DIAPH3: variants seen among roughly 807,000 people sequenced by gnomAD.
DIAPH3 encodes diaphanous related formin 3.
Under a neutral mutation model 144.3 loss-of-function variants are expected in DIAPH3, and 117 were observed. The ratio of observed to expected loss-of-function variants is 0.81; its 90% confidence interval spans 0.70 to 0.95. The LOEUF (loss-of-function observed/expected upper bound fraction) is 0.95. DIAPH3 is among the 40% of genes least tolerant of loss of function. DIAPH3 has a pLI of 0.00. For synonymous variants in DIAPH3, 519 were observed against 488.9 expected (o/e 1.06, Z -0.81); for missense variants, 1,421 against 1,412.7 (o/e 1.01, Z -0.09).
chr13:59,972,519 G>A (rs570982368), intron 15 of DIAPH3, among the ~76,000 whole-genome samples: 8 of 151,914 alleles, frequency 5.3e-5, no homozygotes, highest in Non-Finnish European at 1.2e-4. Context: ...ATAAAAGCTC[G>A]AAATCAATGA....
intron 5 of DIAPH3, among the ~76,000 whole-genome samples, chr13:60,031,732 C>CTCT (rs2054810122): frequency 1.5e-5 from 1 of 64,668 alleles, no homozygotes; most frequent in African/African-American, 6.6e-5. Context: ...GTCATTAAAT[C>CTCT]TTTTTTTTTT....
At chr13:59,836,712 C>A (rs543365362) in intron 23 of DIAPH3, among the ~76,000 whole-genome samples, 57 of 151,866 alleles carry the variant, frequency 3.8e-4, no homozygotes, top group African/African-American at 1.3e-3. Flanking sequence ...TATTTAAGTA[C>A]GTACTTGTAA....
chr13:59,729,810 A>ATTTTTTTT (rs59987412), intron 27 of DIAPH3, among the ~76,000 whole-genome samples: 1,454 of 133,838 alleles, frequency 0.011, 28 homozygotes, highest in East Asian at 0.066. Context: ...ATACATTAAT[A>ATTTTTTTT]TTTTTTTTTT....
At chr13:59,983,473 G>A (rs192782024) in intron 13 of DIAPH3, among the ~76,000 whole-genome samples, 11 of 151,562 alleles carry the variant, frequency 7.3e-5, no homozygotes, top group Admixed American at 7.2e-4. Context: ...GTAAAAAATG[G>A]CAGTTTTTGT....
At chr13:59,707,510 A>C (rs1031938017) in intron 27 of DIAPH3, among the ~76,000 whole-genome samples, 2 of 152,198 alleles carry the variant, frequency 1.3e-5, no homozygotes, top group Non-Finnish European at 2.9e-5. Flanking sequence ...AGGGAATTGG[A>C]ATCAAAGGGA....
At chr13:60,060,356 C>T (rs1203965949) in intron 4 of DIAPH3, among the ~76,000 whole-genome samples, 1 of 152,068 alleles carries the variant, frequency 6.6e-6, no homozygotes, top group African/African-American at 2.4e-5. Context: ...ATAAAATGCT[C>T]ACAGTGGTTA....
intron 27 of DIAPH3, among the ~76,000 whole-genome samples, chr13:59,756,055 T>C (rs957207887): frequency 6.6e-6 from 1 of 152,116 alleles, no homozygotes; most frequent in Non-Finnish European, 1.5e-5. Flanking sequence ...CTTGTATGAG[T>C]AGCACTTGGG....
chr13:59,958,314 A>T (rs571396339), intron 17 of DIAPH3, among the ~76,000 whole-genome samples: 26 of 152,294 alleles, frequency 1.7e-4, no homozygotes, highest in African/African-American at 6.0e-4. Context: ...AGTCTCTATC[A>T]CATGAACAGA....
intron 5 of DIAPH3, among the ~76,000 whole-genome samples, chr13:60,036,937 A>G (rs2055274069): frequency 2.4e-5 from 1 of 41,606 alleles, no homozygotes; most frequent in Non-Finnish European, 5.0e-5. Flanking sequence ...TTTTCACAGA[A>G]AGATACCCAT....
rs1446422778 is a variant in DIAPH3, at chr13:59,665,778, G to A, written c.*806C>T. ...CAAGTTTATTCATAAAATAAAAAAAGTTGTTACTTTGGAAATTTCAAAATG... is the reference window on the plus strand; with the variant it reads ...CAAGTTTATTCATAAAATAAAAAAAATTGTTACTTTGGAAATTTCAAAATG... On this transcript the variant is annotated 3_prime_UTR_variant, in exon 28 of 28. Coordinates refer to ENST00000400324, the MANE Select transcript of DIAPH3 (RefSeq NM_001042517.2). The A allele has an allele frequency of 6.6e-6, 1 of 152,552 alleles. No homozygotes were observed. The highest frequency in any genetic ancestry group is 6.5e-5 in the Admixed American group (1 of 15,270). 9.4% of individuals were successfully genotyped at this position (152,552 alleles called of 1,614,324 possible).
intron 20 of DIAPH3, among the ~76,000 whole-genome samples, chr13:59,904,737 G>A (rs895523264): frequency 6.6e-6 from 1 of 152,052 alleles, no homozygotes; most frequent in African/African-American, 2.4e-5. Context: ...GCAAGATACA[G>A]CAGACGTCAT....
intron 4 of DIAPH3, among the ~76,000 whole-genome samples, chr13:60,080,669 C>T (rs1008752542): frequency 6.6e-6 from 1 of 151,770 alleles, no homozygotes. Context: ...AATGAAATAA[C>T]ATTACATTTT....
intron 1 of DIAPH3, among the ~76,000 whole-genome samples, chr13:60,149,247 C>T (rs980307880): frequency 2.0e-5 from 3 of 152,114 alleles, no homozygotes; most frequent in African/African-American, 7.2e-5. Context: ...AAAATATATT[C>T]CTTGTGTGGA....
rs1283407677 is a variant in DIAPH3 at position 60,163,747 on chromosome 13, C to T, written c.20G>A (p.Arg7Gln). 7 of 1,597,188 alleles carry T rather than the reference C, an allele frequency of 4.4e-6. No individual in the cohort carries two copies. Among genetic ancestry groups the T allele is most frequent in the Admixed American group, 3.5e-5 (2 of 57,546 alleles). MERHQP[R>Q]LHHPAQGSAA... The stretch of plus-strand genomic sequence containing the variant: ...TGAGCCTTGGGCCGGGTGGTGCAGC[C>T]GCGGCTGGTGCCGTTCCATCTTTCC... The change falls in exon 1 of 28, where the codon CGG becomes CAG. Residue 7 changes from arginine to glutamine, a missense_variant. Transcript: ENST00000400324.
At chr13:60,138,781 A>AGGG (rs1566815345) in intron 1 of DIAPH3, among the ~76,000 whole-genome samples, 1 of 98,330 alleles carries the variant, frequency 1.0e-5, no homozygotes, top group Non-Finnish European at 2.0e-5. Context: ...GAGAAGGAGA[A>AGGG]GAAGGGGAAG....
At chr13:59,706,552 T>C (rs1167807186) in intron 27 of DIAPH3, among the ~76,000 whole-genome samples, 3 of 152,238 alleles carry the variant, frequency 2.0e-5, no homozygotes, top group Non-Finnish European at 4.4e-5. Context: ...TAAGTTACTC[T>C]AATATATTGC....
At chr13:60,146,608 A>G (rs758961940) in intron 1 of DIAPH3, among the ~76,000 whole-genome samples, 2 of 152,194 alleles carry the variant, frequency 1.3e-5, no homozygotes, top group East Asian at 1.9e-4. Flanking sequence ...ATTACAGTCT[A>G]TATTGCAGTC....
intron 21 of DIAPH3, among the ~76,000 whole-genome samples, chr13:59,870,384 C>A (rs1593761130): frequency 6.6e-6 from 1 of 151,844 alleles, no homozygotes; most frequent in East Asian, 1.9e-4. Flanking sequence ...CAGCTTTATA[C>A]TAAGTCTGGA....
intron 27 of DIAPH3, among the ~76,000 whole-genome samples, chr13:59,715,485 T>C (rs1263672860): frequency 1.3e-5 from 2 of 152,194 alleles, no homozygotes; most frequent in African/African-American, 4.8e-5. Flanking sequence ...CTCTATTTCT[T>C]CCATAACATC....
Sources: allele counts gnomAD v4.1 joint callset (sites outside exome capture counted in the v4.1 genomes callset), GRCh38; gene constraint gnomAD v4.1.1; transcripts MANE v1.5; gene names NCBI Gene and HGNC (gene_info 2026-07-23, HGNC 2026-07-21).